PSD3: variants seen among roughly 807,000 people sequenced by gnomAD.
The protein encoded by PSD3 is PH and SEC7 domain-containing protein 3.
PSD3 carries 49 observed loss-of-function variants against 105.5 expected under a neutral mutation model. The observed-to-expected ratio is 0.46, with a 90% CI of 0.37 to 0.59. PSD3 has a LOEUF of 0.59. Ranked by LOEUF, PSD3 falls within the 20% of genes least tolerant of loss-of-function variation. The pLI is 0.00. For synonymous variants in PSD3, 557 were observed against 457.8 expected (o/e 1.22, Z -2.77); for missense variants, 1,561 against 1,263.8 (o/e 1.24, Z -3.57).
chr8:18,773,089 G>A (rs79655476), intron 8 of PSD3, among the ~76,000 whole-genome samples: 31,683 of 151,870 alleles, frequency 0.21, 3,592 homozygotes, highest in South Asian at 0.3. Context: ...AGAAATTGCC[G>A]GCACATACAA....
At chr8:19,010,129 C>T (rs1826885143) in intron 1 of PSD3, among the ~76,000 whole-genome samples, 1 of 152,198 alleles carries the variant, frequency 6.6e-6, no homozygotes, top group Admixed American at 6.5e-5. Flanking sequence ...GAATTTCAAA[C>T]CAGATGGCTC....
At chr8:18,588,921 G>C (rs1032972842) in intron 12 of PSD3, among the ~76,000 whole-genome samples, 4 of 152,200 alleles carry the variant, frequency 2.6e-5, no homozygotes, top group African/African-American at 7.2e-5. Flanking sequence ...CCCACCCTGA[G>C]ATGGAGTGGG....
intron 9 of PSD3, among the ~76,000 whole-genome samples, chr8:18,681,196 G>C (rs1050224664): frequency 3.9e-5 from 6 of 152,168 alleles, no homozygotes; most frequent in Admixed American, 3.3e-4. Context: ...AGGTTGGGAA[G>C]ATGACATGAG....
At chr8:18,727,807 G>A (rs781053736) in intron 9 of PSD3, among the ~76,000 whole-genome samples, 1 of 152,066 alleles carries the variant, frequency 6.6e-6, no homozygotes, top group South Asian at 2.1e-4. Context: ...GTAAAATTAT[G>A]CTCTTAAGGA....
At chr8:18,807,319 C>T (rs1161721510) in intron 4 of PSD3, among the ~76,000 whole-genome samples, 1 of 152,196 alleles carries the variant, frequency 6.6e-6, no homozygotes, top group Non-Finnish European at 1.5e-5. Flanking sequence ...CTCCCTCAAC[C>T]ACCACAGGAT....
intron 1 of PSD3, among the ~76,000 whole-genome samples, chr8:19,080,276 G>T (rs1257358295): frequency 2.0e-5 from 3 of 152,148 alleles, no homozygotes; most frequent in African/African-American, 7.2e-5. Context: ...TAGAATTTTT[G>T]AGGTAGAAAG....
intron 9 of PSD3, among the ~76,000 whole-genome samples, chr8:18,764,875 T>C (rs2129443602): frequency 6.6e-6 from 1 of 152,296 alleles, no homozygotes. Context: ...TCATTTACAA[T>C]GCTGGAGAAT....
chr8:18,980,003 C>T (rs945295429), intron 1 of PSD3, among the ~76,000 whole-genome samples: 2 of 152,142 alleles, frequency 1.3e-5, no homozygotes, highest in African/African-American at 4.8e-5. Flanking sequence ...TATGTTTTGG[C>T]AATTATACAC....
At chr8:18,665,514 C>G (rs113137494) in intron 9 of PSD3, among the ~76,000 whole-genome samples, 1 of 152,072 alleles carries the variant, frequency 6.6e-6, no homozygotes, top group Non-Finnish European at 1.5e-5. Flanking sequence ...AAACTACCCC[C>G]GGTGAAGATG....
intron 1 of PSD3, among the ~76,000 whole-genome samples, chr8:19,068,401 T>C (rs532394039): frequency 2.0e-4 from 31 of 152,136 alleles, no homozygotes; most frequent in Admixed American, 1.3e-3. Context: ...GAGATCCTCC[T>C]GCCCCAGCCT....
Position 18,529,032 on chromosome 8 carries a change from C to A in PSD3, c.*6711G>T, listed in dbSNP as rs1799533118. ...CACATCAGTGCTCCTACAGGAAGTG[C>A]CTCCTTGTTTCTTCACTTGTACTCC... is the stretch of plus-strand genomic sequence containing the variant. On this transcript the variant is annotated 3_prime_UTR_variant, in exon 16 of 16. Coordinates refer to ENST00000327040, the MANE Select transcript of PSD3 (RefSeq NM_015310.4). 1 of 152,176 alleles carries A rather than the reference C, an allele frequency of 6.6e-6. No homozygotes were observed. The highest frequency in any genetic ancestry group is 6.5e-5 in the Admixed American group (1 of 15,282). The allele number at this position is 152,176 out of a possible 1,614,324, so 9.4% of individuals were successfully genotyped here.
At position 18,543,822 on chromosome 8, in the gene PSD3, A is replaced by G. The variant is rs1192932843; in HGVS notation, c.2929-7864T>C. On this transcript the variant is annotated intron_variant, in intron 15 of 15. Transcript: ENST00000327040. Reference sequence around the variant, plus strand: ...ATTCTTTGAAAAGTAGTTTAATCATATCCACACATATATTTACATGGATCT... The same window carrying G: ...ATTCTTTGAAAAGTAGTTTAATCATGTCCACACATATATTTACATGGATCT... 2.0e-5 allele frequency among the ~76,000 whole-genome samples: 3 copies of G among 152,316 alleles called. No homozygotes were observed. In the East Asian group the frequency reaches 5.8e-4, roughly 29 times the overall value.
At chr8:18,584,824 G>A (rs754903879) in intron 12 of PSD3, among the ~76,000 whole-genome samples, 2 of 152,102 alleles carry the variant, frequency 1.3e-5, no homozygotes, top group Non-Finnish European at 2.9e-5. Flanking sequence ...TTTGTTTCAT[G>A]TTTTTGCTAC....
At chr8:19,030,566 A>T (rs1827730156) in intron 1 of PSD3, among the ~76,000 whole-genome samples, 1 of 151,994 alleles carries the variant, frequency 6.6e-6, no homozygotes, top group Non-Finnish European at 1.5e-5. Flanking sequence ...TCTTGCTTTC[A>T]CTATGTGACT....
At chr8:18,987,445 G>A (rs1033376881) in intron 1 of PSD3, among the ~76,000 whole-genome samples, 7 of 152,050 alleles carry the variant, frequency 4.6e-5, no homozygotes, top group African/African-American at 9.6e-5. Flanking sequence ...CCGCCACCAC[G>A]CCTGGCTAAT....
chr8:18,579,164 A>G (rs1802653137), intron 12 of PSD3, among the ~76,000 whole-genome samples: 1 of 150,606 alleles, frequency 6.6e-6, no homozygotes, highest in African/African-American at 2.4e-5. Context: ...GAGTGGAAAC[A>G]TTAGGGTTGA....
At chr8:18,589,963 A>G (rs1319118448) in intron 12 of PSD3, among the ~76,000 whole-genome samples, 1 of 152,156 alleles carries the variant, frequency 6.6e-6, no homozygotes. Flanking sequence ...TTTGCCACCT[A>G]CAGCTAAAAT....
intron 1 of PSD3, among the ~76,000 whole-genome samples, chr8:18,955,851 C>G (rs574277918): frequency 1.1e-4 from 16 of 152,092 alleles, no homozygotes; most frequent in Non-Finnish European, 1.9e-4. Flanking sequence ...TCACTTCAAC[C>G]TCCGCCTCCC....
At chr8:19,030,062 G>C (rs530710778) in intron 1 of PSD3, among the ~76,000 whole-genome samples, 1 of 152,220 alleles carries the variant, frequency 6.6e-6, no homozygotes, top group African/African-American at 2.4e-5. Flanking sequence ...TCTGATCTTA[G>C]GGGAAAAGCA....
Sources: allele counts gnomAD v4.1 joint callset (sites outside exome capture counted in the v4.1 genomes callset), GRCh38; gene constraint gnomAD v4.1.1; transcripts MANE v1.5; gene names NCBI Gene and HGNC (gene_info 2026-07-23, HGNC 2026-07-21).